FLT4: variants seen among roughly 807,000 people sequenced by gnomAD.
The protein encoded by FLT4 is fms related receptor tyrosine kinase 4.
In FLT4, 30 loss-of-function variants were observed where a neutral mutation model predicts 163.2. That is an observed-to-expected ratio of 0.18 (90% CI 0.14 to 0.25). The LOEUF is 0.25. Among genes scored for constraint, FLT4 ranks in the 10% least tolerant of loss-of-function variants. FLT4 has a pLI of 1.00. For synonymous variants in FLT4, 884 were observed against 789.5 expected, an observed-to-expected ratio of 1.12 and a Z score of -2.01; for missense variants, 1,510 against 1,863.8, an observed-to-expected ratio of 0.81 and a Z score of 3.50.
chr5:180,611,626 C>T (rs1187937594), intron 26 of FLT4, 147 bp from the exon 27 acceptor site: 9 of 844,192 alleles, frequency 1.1e-5, no homozygotes, highest in Middle Eastern at 3.4e-4. Flanking sequence ...CCCCCGCCCT[C>T]GCCCTGCCCT....
rs1352368209 is a variant in FLT4, at chr5:180,602,624, G to A, written c.*568C>T. ...CACCCCAGGGGCTAGTTGGCTGTTT[G>A]GTCAGGCCCAGAAGAGGACCCTGCA... On this transcript the variant is annotated 3_prime_UTR_variant, in exon 30 of 30. Transcript: ENST00000261937. The A allele has an allele frequency of 4.9e-6, 2 of 406,082 alleles. No individual in the cohort carries two copies. Among genetic ancestry groups the A allele is most frequent in the East Asian group, 3.5e-5 (1 of 28,426 alleles). 25.2% of individuals were successfully genotyped at this position (406,082 alleles called of 1,614,324 possible). A position where few individuals can be genotyped will look rare whatever the true frequency, so the allele number is the denominator to read the frequency against.
rs561809492 is a variant in FLT4 at position 180,620,632 on chromosome 5, G to T, written c.2383C>A (p.Leu795Ile). Residue 795 changes from leucine to isoleucine, a missense_variant, in exon 16 of 30, where the codon CTC (leucine) becomes ATC (isoleucine). By Grantham distance (5) the Leu-to-Ile change is conservative (BLOSUM62 2). Transcript: ENST00000261937. The surrounding 1 kb of genome is among the most constrained non-coding windows in gnomAD (Gnocchi z 4.4). ...IAVFFWVLLL[L>I]IFCNMRRPAH... ...ACCCTCCTCATGTTACAGAAGATGA[G>T]GAGGAGGAGGACCCAGAAGAAGACA... 2 of 1,604,132 alleles carry T rather than the reference G, an allele frequency of 1.2e-6. No homozygotes were observed. The highest frequency in any genetic ancestry group is 1.3e-5 in the African/African-American group (1 of 74,852).
At chr5:180,627,182 T>C (rs1187934303) in intron 8 of FLT4, among the ~76,000 whole-genome samples, 1 of 152,118 alleles carries the variant, frequency 6.6e-6, no homozygotes, top group Non-Finnish European at 1.5e-5. Context: ...CTGCCCCTGG[T>C]GCTGGGTGTG....
chr5:180,641,250 G>T (rs532938587), intron 1 of FLT4, among the ~76,000 whole-genome samples: 1 of 152,202 alleles, frequency 6.6e-6, no homozygotes, highest in East Asian at 1.9e-4. Flanking sequence ...GTCATCAAGC[G>T]GCTCCTGGGC....
Position 180,617,017 on chromosome 5 carries a change from C to A in FLT4, c.3002-23G>T, listed in dbSNP as rs200097920. The A allele has an allele frequency of 8.2e-4, 1,298 of 1,592,098 alleles. 5 individuals are homozygous for A. Among genetic ancestry groups the A allele is most frequent in the Non-Finnish European group, 9.6e-4 (1,115 of 1,161,204 alleles). ...CAGCTACACAGTGGAGCCAGGTGGG[C>A]TCAGGAGGCGCCTCCTCCGCGGCCT... On this transcript the variant is annotated intron_variant, in intron 21 of 29. Coordinates refer to ENST00000261937, the MANE Select transcript of FLT4 (RefSeq NM_182925.5).
intron 1 of FLT4, among the ~76,000 whole-genome samples, chr5:180,635,922 TGGATGGATGGAC>T: frequency 1.1e-5 from 1 of 94,858 alleles, no homozygotes; most frequent in Admixed American, 1.3e-4. Flanking sequence ...GGTGGGTGGA[TGGATGGATGGAC>T]GGATGGAAGT....
chr5:180,649,421 C>G (rs1324184003), intron 1 of FLT4, 67 bp downstream of exon 1: 1 of 1,243,364 alleles, frequency 8.0e-7, no homozygotes, highest in Non-Finnish European at 1.1e-6. Context: ...GCGCCCGCCC[C>G]AGGTGCGCGG....
intron 1 of FLT4, among the ~76,000 whole-genome samples, chr5:180,642,303 G>C (rs1289970238): frequency 6.6e-6 from 1 of 152,068 alleles, no homozygotes; most frequent in Non-Finnish European, 1.5e-5. Flanking sequence ...TACAGCTGCT[G>C]TATCACTGTG....
intron 1 of FLT4, among the ~76,000 whole-genome samples, chr5:180,647,564 C>T (rs949852043): frequency 6.6e-6 from 1 of 151,824 alleles, no homozygotes; most frequent in Non-Finnish European, 1.5e-5. Context: ...TGCCCTGACA[C>T]CCGACTGCAG....
At chr5:180,615,203 A>C (rs1762556234) in intron 23 of FLT4, among the ~76,000 whole-genome samples, 1 of 95,056 alleles carries the variant, frequency 1.1e-5, no homozygotes, top group Non-Finnish European at 2.3e-5. Context: ...CCCGCTGGTC[A>C]CCTCCCTTCT....
rs2127793904 is a variant in FLT4, at chr5:180,612,494, G to A, written c.3537+12C>T. On this transcript the variant is annotated intron_variant, in intron 26 of 29. Transcript: ENST00000261937. ...AAAGGCCATAGTAGAACAGGGTGGG[G>A]AAGGGGCTCACTTGCAGGCCCCTGC... The A allele has an allele frequency of 1.9e-6, 3 of 1,598,344 alleles. No individual in the cohort carries two copies. The highest frequency in any genetic ancestry group is 1.1e-5 in the South Asian group (1 of 90,752).
In FLT4 at chr5:180,623,153, G is replaced by A. The variant is rs1022120970; in HGVS notation, c.1549-314C>T. Among the ~76,000 whole-genome samples, 1 of 152,180 alleles carries A rather than the reference G, an allele frequency of 6.6e-6. No individual in the cohort carries two copies. Among genetic ancestry groups the A allele is most frequent in the Non-Finnish European group, 1.5e-5 (1 of 68,032 alleles). On this transcript the variant is annotated intron_variant, in intron 11 of 29. Coordinates refer to ENST00000261937, the MANE Select transcript of FLT4 (RefSeq NM_182925.5). The surrounding 1 kb of genome is among the most constrained non-coding windows in gnomAD (Gnocchi z 5.8). ...GACCTCTGGCCGTGGCTATGTTGAG[G>A]GGGCACCAGCGTCAGTGCAAGCCAG...
intron 29 of FLT4, among the ~76,000 whole-genome samples, chr5:180,603,732 G>A (rs568391590): frequency 7.9e-5 from 12 of 152,184 alleles, no homozygotes; most frequent in East Asian, 7.8e-4. Context: ...GTGAAACCCC[G>A]TCTCTACTAA....
At position 180,602,496 on chromosome 5, in the gene FLT4, G is replaced by C. The variant is rs1031561507; in HGVS notation, c.*696C>G. 2 of 398,696 alleles carry C rather than the reference G, an allele frequency of 5.0e-6. No homozygotes were observed. The highest frequency in any genetic ancestry group is 8.8e-6 in the Non-Finnish European group (2 of 226,626). 24.7% of individuals were successfully genotyped at this position (398,696 alleles called of 1,614,324 possible). ...CTTCTCAGCAGCTCTAACAGTCTGT[G>C]AAGTTCTGTTGAAAAAGACTTGCAG... On this transcript the variant is annotated 3_prime_UTR_variant, in exon 30 of 30. Transcript: ENST00000261937.
chr5:180,629,753 G>A lies in FLT4; in HGVS notation c.759C>T (p.Thr253=), dbSNP rs761048876. ...CACCTGAGTTAAACTCAGCCCACAC[G>A]GTGCAGTTCAGGACCAGCTTCTCCC... ...LVGEKLVLNC[T]VWAEFNSGVT... The change falls in exon 6 of 30, where the codon ACC becomes ACT. Residue 253 remains threonine (T), a synonymous_variant. Transcript: ENST00000261937. 86 of 1,612,078 alleles carry A rather than the reference G, an allele frequency of 5.3e-5. No individual in the cohort carries two copies. The highest frequency in any genetic ancestry group is 6.9e-5 in the Non-Finnish European group (81 of 1,179,738).
At chr5:180,628,093 G>A (rs544755632) in intron 8 of FLT4, among the ~76,000 whole-genome samples, 2 of 152,300 alleles carry the variant, frequency 1.3e-5, no homozygotes, top group East Asian at 3.9e-4. Context: ...TGAAGAGAAG[G>A]AGGCTCTTGG....
intron 29 of FLT4, among the ~76,000 whole-genome samples, chr5:180,606,200 C>T (rs1036024839): frequency 6.6e-5 from 10 of 152,250 alleles, no homozygotes; most frequent in African/African-American, 1.7e-4. Flanking sequence ...CTTCTTCTGA[C>T]TTCTGGATAC....
At chr5:180,632,441 C>CCCAGGT (rs1207815129) in intron 1 of FLT4, among the ~76,000 whole-genome samples, 1 of 152,200 alleles carries the variant, frequency 6.6e-6, no homozygotes, top group South Asian at 2.1e-4. Context: ...CCTAGACACC[C>CCCAGGT]CCAGGTCTTC....
chr5:180,642,155 C>T (rs1051940136), intron 1 of FLT4, among the ~76,000 whole-genome samples: 5 of 150,548 alleles, frequency 3.3e-5, no homozygotes, highest in East Asian at 1.9e-4. Flanking sequence ...TGCAGTGGGC[C>T]GAGATCGCGC....
Sources: allele counts gnomAD v4.1 joint callset (sites outside exome capture counted in the v4.1 genomes callset), GRCh38; gene constraint gnomAD v4.1.1; non-coding constraint Gnocchi (gnomAD v3.1); transcripts MANE v1.5; gene names NCBI Gene and HGNC (gene_info 2026-07-23, HGNC 2026-07-21).